The following FGF14 variants were observed in gnomAD, a reference collection of about 807,000 sequenced individuals.
FGF14 encodes the protein fibroblast growth factor 14.
In FGF14, 5 loss-of-function variants were observed where a neutral mutation model predicts 25.5. The ratio of observed to expected loss-of-function variants is 0.20; its 90% confidence interval spans 0.10 to 0.41. FGF14 has a LOEUF of 0.41. FGF14 is among the 10% of genes least tolerant of loss of function. The probability of loss-of-function intolerance (pLI) is 1.00; values close to 1 mark genes in which losing one functional copy is unlikely to be tolerated. For synonymous variants in FGF14, 138 were observed against 118.3 expected, an observed-to-expected ratio of 1.17 and a Z score of -1.08; for missense variants, 222 against 320.1, an observed-to-expected ratio of 0.69 and a Z score of 2.34.
chr13:102,263,419 T>A (rs1157623607), intron 1 of FGF14, among the ~76,000 whole-genome samples: 1 of 152,184 alleles, frequency 6.6e-6, no homozygotes, highest in African/African-American at 2.4e-5. Context: ...AGGGTTTACA[T>A]AATACCACAT....
At chr13:101,941,579 T>C (rs1011751794) in intron 1 of FGF14, among the ~76,000 whole-genome samples, 1 of 152,218 alleles carries the variant, frequency 6.6e-6, no homozygotes, top group Admixed American at 6.5e-5. Flanking sequence ...CTCTGCTGCC[T>C]GTTTTTGGCA....
At chr13:101,975,153 A>C (rs1198259026) in intron 1 of FGF14, among the ~76,000 whole-genome samples, 2 of 152,118 alleles carry the variant, frequency 1.3e-5, no homozygotes, top group African/African-American at 4.8e-5. Context: ...CAGAACCCTC[A>C]ACTACAGACA....
chr13:102,265,316 A>G (rs1293333057), intron 1 of FGF14, among the ~76,000 whole-genome samples: 2 of 152,166 alleles, frequency 1.3e-5, no homozygotes, highest in Non-Finnish European at 2.9e-5. Flanking sequence ...TGCCAGGTTC[A>G]TTATCTCTTT....
intron 1 of FGF14, among the ~76,000 whole-genome samples, chr13:102,051,497 C>T (rs2042214653): frequency 6.6e-6 from 1 of 152,116 alleles, no homozygotes; most frequent in South Asian, 2.1e-4. Flanking sequence ...GACCCAGTGC[C>T]CCAAAGGACC....
At position 102,060,554 on chromosome 13, in the gene FGF14, G is replaced by T. The variant is rs376684275; in HGVS notation, c.209-185258C>A. 6.6e-5 allele frequency among the ~76,000 whole-genome samples: 10 copies of T among 152,032 alleles called. No individual in the cohort carries two copies. In the East Asian group the frequency reaches 1.4e-3, roughly 21 times the overall value. ...AAAAGAAGAAATCTAAACTAAACACGTTTTACACAGTTATATCACTGCTTC... is the reference window on the plus strand; with the variant it reads ...AAAAGAAGAAATCTAAACTAAACACTTTTTACACAGTTATATCACTGCTTC... On this transcript the variant is annotated intron_variant, in intron 1 of 4. Coordinates refer to the FGF14 transcript ENST00000376131.
intron 3 of FGF14, among the ~76,000 whole-genome samples, chr13:101,830,188 CT>C (rs1419650522): frequency 6.6e-6 from 1 of 152,076 alleles, no homozygotes; most frequent in Non-Finnish European, 1.5e-5. Context: ...ACTTGTAGCT[CT>C]AGAGAAGTCT....
chr13:101,914,219 AATAAT>A (rs1337954139), intron 1 of FGF14, among the ~76,000 whole-genome samples: 1 of 151,080 alleles, frequency 6.6e-6, no homozygotes, highest in African/African-American at 2.4e-5. Flanking sequence ...TGTTATATAT[AATAAT>A]ATAAAAGCAT....
chr13:102,247,370 T>G (rs1410842153), intron 1 of FGF14, among the ~76,000 whole-genome samples: 1 of 151,156 alleles, frequency 6.6e-6, no homozygotes, highest in Non-Finnish European at 1.5e-5. Context: ...ATAAAGAACT[T>G]AAAGAAATTT....
intron 1 of FGF14, among the ~76,000 whole-genome samples, chr13:102,330,628 C>G (rs2056605333): frequency 2.0e-5 from 3 of 152,120 alleles, no homozygotes; most frequent in Non-Finnish European, 4.4e-5. Context: ...CAATCCCGCC[C>G]CACTCCCATT....
intron 3 of FGF14, among the ~76,000 whole-genome samples, chr13:101,763,009 C>T (rs148991323): frequency 2.1e-4 from 32 of 152,268 alleles, no homozygotes; most frequent in South Asian, 6.2e-4. Flanking sequence ...AAAGGTCAGA[C>T]GCCATCTTTC....
chr13:102,062,579 A>G (rs1194551594), intron 1 of FGF14, among the ~76,000 whole-genome samples: 1 of 152,214 alleles, frequency 6.6e-6, no homozygotes, highest in African/African-American at 2.4e-5. Flanking sequence ...GTGAATATAT[A>G]GAGGCCATTT....
At chr13:101,752,709 T>C (rs1208441636) in intron 3 of FGF14, among the ~76,000 whole-genome samples, 5 of 152,174 alleles carry the variant, frequency 3.3e-5, no homozygotes, top group African/African-American at 1.2e-4. Context: ...GGAACTCATG[T>C]TCTCTCTATT....
intron 1 of FGF14, among the ~76,000 whole-genome samples, chr13:102,142,213 C>A (rs778145838): frequency 6.6e-6 from 1 of 152,164 alleles, no homozygotes; most frequent in African/African-American, 2.4e-5. Context: ...AATCATCAAG[C>A]ACAATACAGT....
At position 102,344,354 on chromosome 13, in the gene FGF14, A is replaced by G. The variant is rs182630753; in HGVS notation, c.208+57117T>C. 5.6e-3 allele frequency among the ~76,000 whole-genome samples: 848 copies of G among 152,336 alleles called. 3 individuals are homozygous for G. Among genetic ancestry groups the G allele is most frequent in the Non-Finnish European group, 9.1e-3 (616 of 68,020 alleles). On this transcript the variant is annotated intron_variant, in intron 1 of 4. Coordinates refer to the FGF14 transcript ENST00000376131. ...AAGAACCCTACAAAACCTATTAGCT[A>G]TTGAGATTATAATACGTGTTGCTTC...
intron 1 of FGF14, among the ~76,000 whole-genome samples, chr13:102,164,508 T>C (rs973744564): frequency 6.6e-6 from 1 of 152,146 alleles, no homozygotes; most frequent in African/African-American, 2.4e-5. Context: ...TCATGGATGG[T>C]TTCCCACAGG....
chr13:102,156,409 C>T (rs1157980666), intron 1 of FGF14, among the ~76,000 whole-genome samples: 4 of 152,164 alleles, frequency 2.6e-5, no homozygotes, highest in Non-Finnish European at 5.9e-5. Flanking sequence ...ATGACAAAAA[C>T]CACATGATTA....
intron 3 of FGF14, among the ~76,000 whole-genome samples, chr13:101,830,998 C>T (rs945648880): frequency 2.6e-5 from 4 of 152,042 alleles, no homozygotes; most frequent in Non-Finnish European, 5.9e-5. Context: ...ATATCTGGTC[C>T]ACCTGCATAA....
intron 1 of FGF14, among the ~76,000 whole-genome samples, chr13:101,908,900 T>TA (rs2032575760): frequency 1.3e-5 from 2 of 152,036 alleles, no homozygotes. Context: ...GAGATATAGA[T>TA]GAATGGAACA....
chr13:101,860,472 G>C (rs1370447139), intron 3 of FGF14, among the ~76,000 whole-genome samples: 2 of 152,056 alleles, frequency 1.3e-5, no homozygotes, highest in Admixed American at 1.3e-4. Context: ...AATAATCAAT[G>C]GTAGATATAA....
Sources: gnomAD v4.1 joint callset for allele counts (sites outside exome capture counted in the v4.1 genomes callset) on GRCh38, gnomAD v4.1.1 for gene constraint, MANE v1.5 for transcripts, NCBI Gene and HGNC (gene_info 2026-07-23, HGNC 2026-07-21) for gene names.